The following SYT7 variants were observed in gnomAD, a reference collection of about 807,000 sequenced individuals.
The protein encoded by SYT7 is synaptotagmin 7.
SYT7 carries 29 observed loss-of-function variants against 75.1 expected under a neutral mutation model. The ratio of observed to expected loss-of-function variants is 0.39; its 90% CI spans 0.29 to 0.53. The LOEUF (loss-of-function observed/expected upper bound fraction) is 0.53. SYT7 is among the 20% of genes least tolerant of loss of function. The probability of loss-of-function intolerance (pLI) is 0.77; values close to 1 mark genes in which losing one functional copy is unlikely to be tolerated. For missense variants in SYT7, 693 were observed against 953.2 expected (o/e 0.73, Z 3.59); for synonymous variants, 376 against 401.7 (o/e 0.94, Z 0.76).
chr11:61,547,146 A>G, intron 4 of SYT7, 31 bp downstream of exon 4: 2 of 1,534,024 alleles, frequency 1.3e-6, no homozygotes, highest in Non-Finnish European at 1.7e-6. Context: ...GATACTCGGT[A>G]CATATGATCA....
At chr11:61,562,281 T>C (rs1340357790) in intron 1 of SYT7, among the ~76,000 whole-genome samples, 1 of 152,236 alleles carries the variant, frequency 6.6e-6, no homozygotes, top group East Asian at 1.9e-4. Context: ...TAGTGATTAG[T>C]GCCAGGCCTC....
intron 7 of SYT7, among the ~76,000 whole-genome samples, chr11:61,537,333 C>T (rs150633375): frequency 2.8e-3 from 431 of 152,064 alleles, no homozygotes; most frequent in Non-Finnish European, 4.7e-3. Flanking sequence ...CCATGAGCAG[C>T]GCCCCACCCC....
At chr11:61,575,669 G>T (rs927207939) in intron 1 of SYT7, among the ~76,000 whole-genome samples, 1 of 152,190 alleles carries the variant, frequency 6.6e-6, no homozygotes, top group African/African-American at 2.4e-5. Context: ...CTGGCACACA[G>T]GCCCTGCCTG....
At chr11:61,545,228 G>C (rs1432749001) in intron 5 of SYT7, among the ~76,000 whole-genome samples, 1 of 152,214 alleles carries the variant, frequency 6.6e-6, no homozygotes. Context: ...TCAGCCAAGA[G>C]TGGGCCTGAC....
chr11:61,533,260 C>A, intron 7 of SYT7, 136 bp from the exon 8 acceptor site: 1 of 1,430,652 alleles, frequency 7.0e-7, no homozygotes, highest in Admixed American at 2.9e-5. Context: ...AGCGGTACTC[C>A]AGTCCACGTG....
intron 12 of SYT7, among the ~76,000 whole-genome samples, chr11:61,519,406 G>A (rs2062239650): frequency 6.6e-6 from 1 of 152,196 alleles, no homozygotes; most frequent in South Asian, 2.1e-4. Flanking sequence ...ACTTGGGGGT[G>A]ATTAAGAGTA....
chr11:61,537,536 G>A (rs1230329617), intron 7 of SYT7, among the ~76,000 whole-genome samples: 4 of 152,198 alleles, frequency 2.6e-5, no homozygotes, highest in Non-Finnish European at 4.4e-5. Flanking sequence ...TGCTCAGGAC[G>A]GCTGCCTGCA....
In SYT7 at chr11:61,518,750, C is replaced by T. The variant is rs534471913; in HGVS notation, c.1957-19G>A. On this transcript the variant is annotated intron_variant, in intron 12 of 12. Transcript: ENST00000539008. ...GGTAGATCTGGGGAGAAAGGGGAGACGATGGCATCGGCACAGGCTCCAGGG... is the reference window on the plus strand; with the variant it reads ...GGTAGATCTGGGGAGAAAGGGGAGATGATGGCATCGGCACAGGCTCCAGGG... The T allele has an allele frequency of 1.8e-5, 28 of 1,514,314 alleles. 1 individual carries two copies. Among genetic ancestry groups the T allele is most frequent in the South Asian group, 1.6e-4 (13 of 80,460 alleles). The allele number at this position is 1,514,314 out of a possible 1,614,324, so 93.8% of individuals were successfully genotyped here.
chr11:61,532,379 A>G (rs574454634), intron 8 of SYT7, among the ~76,000 whole-genome samples: 1 of 152,254 alleles, frequency 6.6e-6, no homozygotes, highest in Admixed American at 6.5e-5. Context: ...TGTCTGGGCC[A>G]AACAACCTAG....
At chr11:61,541,704 G>A (rs1243407288) in intron 6 of SYT7, among the ~76,000 whole-genome samples, 2 of 138,416 alleles carry the variant, frequency 1.4e-5, no homozygotes, top group African/African-American at 5.2e-5. Flanking sequence ...CAGGGACAGG[G>A]ATAGAGGAAG....
chr11:61,544,016 A>G (rs957399950), intron 5 of SYT7, among the ~76,000 whole-genome samples: 14 of 152,320 alleles, frequency 9.2e-5, no homozygotes, highest in Middle Eastern at 6.8e-3. Context: ...TTGTCTCTGT[A>G]AATAAAGTTT....
upstream of SYT7, among the ~76,000 whole-genome samples, chr11:61,582,284 C>G (rs1220186964): frequency 6.6e-6 from 1 of 152,224 alleles, no homozygotes; most frequent in African/African-American, 2.4e-5. Context: ...GCTGAGAATG[C>G]AGTTTGCAGG....
In SYT7 at chr11:61,524,758, T is replaced by C; in HGVS notation, c.1472-226A>G. On this transcript the variant is annotated intron_variant, in intron 9 of 12. Transcript: ENST00000539008. This position sits in a 1 kb window ranked among gnomAD's most constrained non-coding sequence, Gnocchi z 4.1. ...ACAATTCTCCAAGGTGAATGGCATC[T>C]CGTCCATCTTACAGATGAGGCTCAG... The C allele has an allele frequency of 2.0e-6, 1 of 488,170 alleles. No individual in the cohort carries two copies. The highest frequency in any genetic ancestry group is 3.6e-6 in the Non-Finnish European group (1 of 275,858). The allele number at this position is 488,170 out of a possible 1,614,324, so 30.2% of individuals were successfully genotyped here. A position where few individuals can be genotyped will look rare whatever the true frequency, so the allele number is the denominator to read the frequency against.
intron 1 of SYT7, among the ~76,000 whole-genome samples, chr11:61,560,364 C>G (rs537258766): frequency 6.6e-6 from 1 of 152,096 alleles, no homozygotes; most frequent in African/African-American, 2.4e-5. Context: ...TAGCACTGTT[C>G]CTGTCTGTGT....
chr11:61,542,280 G>A lies in SYT7; in HGVS notation c.872C>T (p.Ser291Phe). ...KYRAAGGRSR[S>F]NPGSWDHVVG... ...CACGTGGTCCCAGCTGCCTGGGTTG[G>A]AGCGGCTGCGGCCCCCTGCCGCCCG... The change falls in exon 6 of 13, where the codon TCC (serine) becomes TTC (phenylalanine). Residue 291 changes from serine to phenylalanine, a missense_variant. This residue lies in a region of SYT7 where 487 missense variants were observed against 593.2 expected (regional missense o/e 0.82). Coordinates refer to ENST00000539008, the MANE Select transcript of SYT7 (RefSeq NM_001365809.2). The surrounding 1 kb of genome is among the most constrained non-coding windows in gnomAD (Gnocchi z 7.8). 6.5e-7 allele frequency: 1 copy of A among 1,535,136 alleles called. No homozygotes were observed. The highest frequency in any genetic ancestry group is 8.7e-7 in the Non-Finnish European group (1 of 1,146,416).
intron 1 of SYT7, among the ~76,000 whole-genome samples, chr11:61,556,861 C>A (rs2063513884): frequency 6.6e-6 from 1 of 152,080 alleles, no homozygotes; most frequent in African/African-American, 2.4e-5. Flanking sequence ...CTGGCCTCTG[C>A]ACATTCCTAT....
chr11:61,577,924 C>G (rs1398841795), intron 1 of SYT7, among the ~76,000 whole-genome samples: 1 of 152,174 alleles, frequency 6.6e-6, no homozygotes, highest in African/African-American at 2.4e-5. Context: ...AACGCTGACC[C>G]CTGCAGGCCT....
At chr11:61,573,656 T>C (rs2063987553) in intron 1 of SYT7, among the ~76,000 whole-genome samples, 1 of 152,194 alleles carries the variant, frequency 6.6e-6, no homozygotes, top group Non-Finnish European at 1.5e-5. Context: ...CCAACCTACC[T>C]TCCCAAGCCT....
chr11:61,570,957 T>C (rs1299336536), intron 1 of SYT7, among the ~76,000 whole-genome samples: 1 of 152,170 alleles, frequency 6.6e-6, no homozygotes, highest in Non-Finnish European at 1.5e-5. Flanking sequence ...TTTACAGATA[T>C]TAACTCATCG....
Sources: allele counts gnomAD v4.1 joint callset (sites outside exome capture counted in the v4.1 genomes callset), GRCh38; gene constraint gnomAD v4.1.1; regional missense constraint gnomAD v4.1.1; non-coding constraint Gnocchi (gnomAD v3.1); transcripts MANE v1.5; gene names NCBI Gene and HGNC (gene_info 2026-07-23, HGNC 2026-07-21).